Variants in PCSK5 observed in about 807,000 individuals in gnomAD.
The protein encoded by PCSK5 is proprotein convertase subtilisin/kexin type 5, also known as prohormone convertase 5.
PCSK5 carries 129 observed loss-of-function variants against 233.2 expected under a neutral mutation model. The observed-to-expected ratio is 0.55, with a 90% CI of 0.48 to 0.64. The LOEUF (loss-of-function observed/expected upper bound fraction) is 0.64. Among genes scored for constraint, PCSK5 ranks in the 30% least tolerant of loss-of-function variants. The probability of loss-of-function intolerance (pLI) is 0.00; values close to 1 mark genes in which losing one functional copy is unlikely to be tolerated. For missense variants in PCSK5, 2,076 were observed against 2,430.1 expected (o/e 0.85, Z 3.06); for synonymous variants, 825 against 879.2 (o/e 0.94, Z 1.09).
At chr9:76,090,237 C>T (rs1221763729) in intron 7 of PCSK5, among the ~76,000 whole-genome samples, 3 of 152,258 alleles carry the variant, frequency 2.0e-5, no homozygotes, top group East Asian at 3.9e-4. Context: ...CTTCTCCCTG[C>T]ACCCCACATT....
intron 1 of PCSK5, among the ~76,000 whole-genome samples, chr9:75,897,251 T>G (rs768516676): frequency 3.3e-5 from 5 of 152,046 alleles, no homozygotes; most frequent in Non-Finnish European, 7.4e-5. Flanking sequence ...ATTTTCCAGA[T>G]TCTTGTGATT....
intron 28 of PCSK5, among the ~76,000 whole-genome samples, chr9:76,307,208 G>A (rs193144243): frequency 5.3e-5 from 8 of 152,208 alleles, no homozygotes; most frequent in Admixed American, 1.3e-4. Context: ...ACCCTTCGGC[G>A]GCATAGCTGG....
chr9:76,099,872 G>A (rs1181336008), intron 8 of PCSK5, among the ~76,000 whole-genome samples: 1 of 152,146 alleles, frequency 6.6e-6, no homozygotes, highest in Non-Finnish European at 1.5e-5. Context: ...ACCCAGAAGA[G>A]CACGGTTGTC....
At chr9:76,052,946 C>A (rs1346469931) in intron 5 of PCSK5, among the ~76,000 whole-genome samples, 6 of 152,212 alleles carry the variant, frequency 3.9e-5, no homozygotes, top group African/African-American at 1.4e-4. Context: ...TCCAGCAGGA[C>A]AGTCAAATCT....
intron 34 of PCSK5, among the ~76,000 whole-genome samples, chr9:76,337,582 T>C (rs1376146652): frequency 1.3e-5 from 2 of 152,190 alleles, no homozygotes; most frequent in Non-Finnish European, 2.9e-5. Flanking sequence ...CAAACGATTC[T>C]CCTGCATCAG....
chr9:75,940,637 C>A (rs1249885051), intron 2 of PCSK5, among the ~76,000 whole-genome samples: 2 of 152,186 alleles, frequency 1.3e-5, no homozygotes, highest in Admixed American at 6.5e-5. Context: ...CTCTTTTTGC[C>A]TCAAGAGTAA....
intron 20 of PCSK5, 82 bp from the exon 21 acceptor site, chr9:76,227,421 G>T: frequency 1.1e-6 from 1 of 934,608 alleles, no homozygotes; most frequent in South Asian, 1.4e-5. Flanking sequence ...GGCAGCCACA[G>T]AGATCTGGCT....
chr9:76,203,084 T>C (rs1824979844), intron 20 of PCSK5, among the ~76,000 whole-genome samples: 1 of 152,320 alleles, frequency 6.6e-6, no homozygotes, highest in Middle Eastern at 3.4e-3. Context: ...GCTCTCTATG[T>C]GTCTACACCT....
chr9:75,980,078 G>A (rs1026589119), intron 2 of PCSK5, among the ~76,000 whole-genome samples: 5 of 152,168 alleles, frequency 3.3e-5, no homozygotes, highest in African/African-American at 1.2e-4. Context: ...TATCAAAACT[G>A]AAGAAAAGAA....
chr9:76,335,307 G>C (rs947457456), intron 34 of PCSK5, among the ~76,000 whole-genome samples: 2 of 152,150 alleles, frequency 1.3e-5, no homozygotes, highest in African/African-American at 4.8e-5. Context: ...CCCCAGGGCT[G>C]GTGGGGGGAG....
In PCSK5 at chr9:76,074,911, G is replaced by A. The variant is rs115090978; in HGVS notation, c.894+3013G>A. ...TGATAATTCCAGTAAGTTACCTGTTGGGGTAGATTAAAAATAATATGATGC... is the reference window on the plus strand; with the variant it reads ...TGATAATTCCAGTAAGTTACCTGTTAGGGTAGATTAAAAATAATATGATGC... On this transcript the variant is annotated intron_variant, in intron 7 of 37. Coordinates refer to ENST00000674117, the MANE Select transcript of PCSK5 (RefSeq NM_001372043.1). Among the ~76,000 whole-genome samples, 564 of 152,144 alleles carry A rather than the reference G, an allele frequency of 3.7e-3. 4 individuals carry two copies. Among genetic ancestry groups the A allele is most frequent in the African/African-American group, 0.013 (523 of 41,524 alleles).
chr9:75,929,079 G>A (rs143697484), intron 1 of PCSK5, among the ~76,000 whole-genome samples: 74 of 152,180 alleles, frequency 4.9e-4, no homozygotes, highest in African/African-American at 1.7e-3. Flanking sequence ...GGGACTACAG[G>A]CGTGTACCAC....
At chr9:76,230,143 G>T (rs551547410) in intron 21 of PCSK5, among the ~76,000 whole-genome samples, 31 of 152,264 alleles carry the variant, frequency 2.0e-4, no homozygotes, top group African/African-American at 6.5e-4. Context: ...TTTTCTTCAA[G>T]TTTCTTAGCA....
chr9:76,128,433 A>G (rs1822608841), intron 9 of PCSK5, among the ~76,000 whole-genome samples: 1 of 152,194 alleles, frequency 6.6e-6, no homozygotes, highest in African/African-American at 2.4e-5. Context: ...CTTCCTCCTC[A>G]AGTTCTATTT....
At chr9:76,309,677 A>G (rs1380018265) in intron 29 of PCSK5, among the ~76,000 whole-genome samples, 1 of 120,860 alleles carries the variant, frequency 8.3e-6, no homozygotes, top group African/African-American at 3.3e-5. Flanking sequence ...ACGCTGCCTC[A>G]AAAAAAAAAA....
chr9:76,354,597 T>C (rs1269506815), intron 37 of PCSK5, among the ~76,000 whole-genome samples: 2 of 151,974 alleles, frequency 1.3e-5, no homozygotes, highest in Non-Finnish European at 2.9e-5. Flanking sequence ...CTGAGCAACA[T>C]GGCAAATCCC....
chr9:75,900,751 T>C (rs1825995390), intron 1 of PCSK5, among the ~76,000 whole-genome samples: 1 of 151,544 alleles, frequency 6.6e-6, no homozygotes, highest in Admixed American at 6.6e-5. Flanking sequence ...CCCATTTGTT[T>C]TTTACCTCCC....
intron 35 of PCSK5, among the ~76,000 whole-genome samples, chr9:76,341,942 T>C (rs1055051078): frequency 6.6e-6 from 1 of 152,240 alleles, no homozygotes; most frequent in Non-Finnish European, 1.5e-5. Flanking sequence ...TCTGGTCTTA[T>C]GTAAAACACT....
intron 3 of PCSK5, among the ~76,000 whole-genome samples, chr9:75,995,567 A>G (rs1826978185): frequency 1.3e-5 from 2 of 152,158 alleles, no homozygotes; most frequent in South Asian, 4.2e-4. Context: ...TTGAATTGGG[A>G]GTTGTGTTCC....
Sources: gnomAD v4.1 joint callset for allele counts (sites outside exome capture counted in the v4.1 genomes callset) on GRCh38, gnomAD v4.1.1 for gene constraint, MANE v1.5 for transcripts, NCBI Gene and HGNC (gene_info 2026-07-23, HGNC 2026-07-21) for gene names.